IGDCC4: variants seen among roughly 807,000 people sequenced by gnomAD.
IGDCC4 encodes likely ortholog of mouse neighbor of Punc E11.
A neutral mutation model predicts 116.6 loss-of-function variants in IGDCC4; 72 were observed. That is an observed-to-expected ratio of 0.62 (90% confidence interval 0.51 to 0.75). The LOEUF is 0.75. Ranked by LOEUF, IGDCC4 falls within the 30% of genes least tolerant of loss-of-function variation. The pLI is 0.00. For missense variants in IGDCC4, 1,501 were observed against 1,662.4 expected (o/e 0.90, Z 1.69); for synonymous variants, 709 against 719.9 (o/e 0.98, Z 0.24).
chr15:65,384,860 A>G lies in IGDCC4; in HGVS notation c.3342+94T>C. The G allele has an allele frequency of 6.8e-7, 1 of 1,462,480 alleles. No individual in the cohort carries two copies. Among genetic ancestry groups the G allele is most frequent in the Non-Finnish European group, 9.1e-7 (1 of 1,095,256 alleles). The allele number at this position is 1,462,480 out of a possible 1,614,324, so 90.6% of individuals were successfully genotyped here. A position where few individuals can be genotyped will look rare whatever the true frequency, so the allele number is the denominator to read the frequency against. ...CTAGACTTCTATCCCCAGGAAAGTT[A>G]CCACCCAGGGGTCTCCAGAGAACTC... On this transcript the variant is annotated intron_variant, in intron 19 of 19. Coordinates refer to ENST00000352385, the MANE Select transcript of IGDCC4 (RefSeq NM_020962.3). The surrounding 1 kb of genome is among the most constrained non-coding windows in gnomAD (Gnocchi z 4.9).
intron 12 of IGDCC4, among the ~76,000 whole-genome samples, chr15:65,390,714 C>T (rs1292825387): frequency 6.6e-6 from 1 of 152,042 alleles, no homozygotes; most frequent in Non-Finnish European, 1.5e-5. Context: ...ATAGTACCTA[C>T]CTCATGGGGT....
chr15:65,412,723 A>C (rs2063108161), intron 1 of IGDCC4, among the ~76,000 whole-genome samples: 1 of 151,758 alleles, frequency 6.6e-6, no homozygotes, highest in African/African-American at 2.4e-5. Flanking sequence ...GCTTAAGCCC[A>C]GGAGTTTGAA....
chr15:65,415,812 G>A (rs1170749405), intron 1 of IGDCC4, among the ~76,000 whole-genome samples: 2 of 152,140 alleles, frequency 1.3e-5, no homozygotes, highest in Non-Finnish European at 2.9e-5. Flanking sequence ...AGGGACTCAC[G>A]TGCCAGCCCT....
At chr15:65,416,405 G>A (rs1437906492) in intron 1 of IGDCC4, among the ~76,000 whole-genome samples, 1 of 152,226 alleles carries the variant, frequency 6.6e-6, no homozygotes, top group East Asian at 1.9e-4. Context: ...CCAAAGTGCT[G>A]GGATTACAGG....
Position 65,384,315 on chromosome 15 carries a change from A to C in IGDCC4, c.3447T>G (p.His1149Gln). 1 of 1,606,660 alleles carries C rather than the reference A, an allele frequency of 6.2e-7. No individual in the cohort carries two copies. Among genetic ancestry groups the C allele is most frequent in the Admixed American group, 1.7e-5 (1 of 58,716 alleles). The change falls in exon 20 of 20, where the codon CAT becomes CAG. Residue 1149 changes from histidine (H) to glutamine (Q), a missense_variant. Physicochemically the swap from His to Gln is conservative, Grantham distance 24 (BLOSUM62 0). Transcript: ENST00000352385. The surrounding 1 kb of genome is among the most constrained non-coding windows in gnomAD (Gnocchi z 4.9). ...GGTCCTCAGGCTCCAGGTCTTGGAG[A>C]TGGAGGTCAGGGTTCCCGTTAGATG... ...FSASNGNPDL[H>Q]LQDLEPEDPL... is the part of the protein sequence containing the mutation.
chr15:65,418,473 A>T (rs778309134), intron 1 of IGDCC4, among the ~76,000 whole-genome samples: 1 of 152,178 alleles, frequency 6.6e-6, no homozygotes, highest in Non-Finnish European at 1.5e-5. Context: ...CACCTGAAGG[A>T]CAGCTTATTG....
chr15:65,387,035 T>C (rs1015472867), intron 16 of IGDCC4, among the ~76,000 whole-genome samples: 1 of 152,152 alleles, frequency 6.6e-6, no homozygotes, highest in Admixed American at 6.5e-5. Flanking sequence ...ATTCTAATTT[T>C]TTTTCTTTTG....
chr15:65,395,123 G>C lies in IGDCC4; in HGVS notation c.1547C>G (p.Thr516Ser). 6.2e-7 allele frequency: 1 copy of C among 1,613,616 alleles called. No homozygotes were observed. Among genetic ancestry groups the C allele is most frequent in the Non-Finnish European group, 8.5e-7 (1 of 1,179,624 alleles). ...YSQLGASRTS[T>S]PALVHTLDDV... The stretch of plus-strand genomic sequence containing the variant: ...ATCCAGTGTGTGCACCAGTGCTGGG[G>C]TGGAGGTGCGGCTGGCTCCCAGCTG... The change falls in exon 8 of 20, where the codon ACC (threonine) becomes AGC (serine). Residue 516 changes from threonine to serine, a missense_variant. Around this residue, in one of 3 missense-constraint regions of IGDCC4, gnomAD observed 898 missense variants for 978.9 expected, o/e 0.92. Coordinates refer to ENST00000352385, the MANE Select transcript of IGDCC4 (RefSeq NM_020962.3).
intron 6 of IGDCC4, 123 bp from the exon 7 acceptor site, chr15:65,396,286 C>G: frequency 9.3e-7 from 1 of 1,078,564 alleles, no homozygotes; most frequent in Non-Finnish European, 1.4e-6. Context: ...ACTTTAACCT[C>G]TCCCTGATTC....
chr15:65,392,220 A>T lies in IGDCC4; in HGVS notation c.2036T>A (p.Leu679Gln). Residue 679 changes from leucine to glutamine, a missense_variant, in exon 11 of 20, where the codon CTG becomes CAG. Leu to Gln is a moderately radical substitution (Grantham distance 113). This residue lies in a region of IGDCC4 where 898 missense variants were observed against 978.9 expected (regional missense o/e 0.92). Transcript: ENST00000352385. ...GAEEEANGDR[L>Q]PGGRGDQAWD... ...AGCCTGGTCTCCACGGCCCCCTGGC[A>T]GGCGATCGCCATTGGCCTCCTCCTC... 1 of 1,613,582 alleles carries T rather than the reference A, an allele frequency of 6.2e-7. No individual in the cohort carries two copies. Among genetic ancestry groups the T allele is most frequent in the Non-Finnish European group, 8.5e-7 (1 of 1,179,840 alleles).
rs559083416 is a variant in IGDCC4, at chr15:65,388,744, C to G, written c.2707+64G>C. 8 of 1,608,394 alleles carry G rather than the reference C, an allele frequency of 5.0e-6. No homozygotes were observed. The South Asian group carries it at 8.9e-5, about 18-fold the overall frequency. On this transcript the variant is annotated intron_variant, in intron 15 of 19. Coordinates refer to ENST00000352385, the MANE Select transcript of IGDCC4 (RefSeq NM_020962.3). Reference sequence around the variant, plus strand: ...CTGGAACAAACCCCAGCACTGTTCTCACTGCTGGAAGCGGGAGAGGCTGGG... The same window carrying G: ...CTGGAACAAACCCCAGCACTGTTCTGACTGCTGGAAGCGGGAGAGGCTGGG...
At position 65,410,163 on chromosome 15, in the gene IGDCC4, C is replaced by T; in HGVS notation, c.563+15G>A. The T allele has an allele frequency of 6.2e-7, 1 of 1,611,886 alleles. No homozygotes were observed. Among genetic ancestry groups the T allele is most frequent in the East Asian group, 2.2e-5 (1 of 44,874 alleles). On this transcript the variant is annotated intron_variant, in intron 3 of 19. Coordinates refer to ENST00000352385, the MANE Select transcript of IGDCC4 (RefSeq NM_020962.3). ...GCCCTGCCTACCAGGACCCGCTCCCCTACAGGGCACTCACCGAGGCTCCTC... is the reference window on the plus strand; with the variant it reads ...GCCCTGCCTACCAGGACCCGCTCCCTTACAGGGCACTCACCGAGGCTCCTC...
chr15:65,393,281 G>A lies in IGDCC4; in HGVS notation c.1885+80C>T, dbSNP rs2062884479. ...CTCTGATGGAGGGCGGGGCCAGGGG[G>A]TGGGGCGCTGGGTCCCAAGGACACA... is the stretch of plus-strand genomic sequence containing the variant. On this transcript the variant is annotated intron_variant, in intron 10 of 19. Transcript: ENST00000352385. The surrounding 1 kb of genome is among the most constrained non-coding windows in gnomAD (Gnocchi z 4.6). 7.0e-7 allele frequency: 1 copy of A among 1,432,978 alleles called. No homozygotes were observed. Among genetic ancestry groups the A allele is most frequent in the Non-Finnish European group, 9.3e-7 (1 of 1,079,418 alleles). The allele number at this position is 1,432,978 out of a possible 1,614,324, so 88.8% of individuals were successfully genotyped here.
chr15:65,402,829 T>C (rs900385641), intron 3 of IGDCC4, among the ~76,000 whole-genome samples: 1 of 152,064 alleles, frequency 6.6e-6, no homozygotes, highest in Non-Finnish European at 1.5e-5. Flanking sequence ...ATTGCACCAT[T>C]GCACTCCAGC....
intron 5 of IGDCC4, among the ~76,000 whole-genome samples, chr15:65,398,756 T>C (rs12372967): frequency 0.052 from 7,885 of 151,964 alleles, 304 homozygotes; most frequent in Non-Finnish European, 0.074. Flanking sequence ...CCAGGCGTGG[T>C]GGCGGGTGCC....
At chr15:65,394,201 G>A (rs565154746) in intron 9 of IGDCC4, among the ~76,000 whole-genome samples, 2 of 152,104 alleles carry the variant, frequency 1.3e-5, no homozygotes, top group East Asian at 1.9e-4. Context: ...TGGGGTGAGA[G>A]CCCAGGCCTC....
At chr15:65,402,526 G>C in intron 3 of IGDCC4, 39 bp from the exon 4 acceptor site, 1 of 1,553,074 alleles carries the variant, frequency 6.4e-7, no homozygotes, top group Non-Finnish European at 8.7e-7. Flanking sequence ...AGGTGGGCAG[G>C]GGGGCCACAG....
intron 10 of IGDCC4, among the ~76,000 whole-genome samples, chr15:65,392,907 T>C (rs756712804): frequency 6.6e-6 from 1 of 152,176 alleles, no homozygotes; most frequent in Non-Finnish European, 1.5e-5. Flanking sequence ...ACCTTCGCTT[T>C]ACAGATAAGA....
intron 3 of IGDCC4, among the ~76,000 whole-genome samples, chr15:65,409,243 CA>C (rs1349597073): frequency 6.6e-6 from 1 of 152,058 alleles, no homozygotes; most frequent in Non-Finnish European, 1.5e-5. Flanking sequence ...TACACATGGG[CA>C]AAAGTCAGAG....
Sources: allele counts gnomAD v4.1 joint callset (sites outside exome capture counted in the v4.1 genomes callset), GRCh38; gene constraint gnomAD v4.1.1; regional missense constraint gnomAD v4.1.1; non-coding constraint Gnocchi (gnomAD v3.1); transcripts MANE v1.5; gene names NCBI Gene and HGNC (gene_info 2026-07-23, HGNC 2026-07-21).